Variants in KIFAP3 observed in about 807,000 individuals in gnomAD.
KIFAP3 encodes kinesin associated protein 3, also known as kinesin-associated protein 3.
In KIFAP3, 68 loss-of-function variants were observed where a neutral mutation model predicts 106.5. The ratio of observed to expected loss-of-function variants is 0.64; its 90% CI spans 0.53 to 0.78. The LOEUF is 0.78. Ranked by LOEUF, KIFAP3 falls within the 30% of genes least tolerant of loss-of-function variation. The pLI is 0.00. For missense variants in KIFAP3, 780 were observed against 941.8 expected (o/e 0.83, Z 2.25); for synonymous variants, 320 against 311.5 (o/e 1.03, Z -0.29).
At chr1:169,939,182 G>A (rs1663970397) in intron 19 of KIFAP3, among the ~76,000 whole-genome samples, 1 of 152,142 alleles carries the variant, frequency 6.6e-6, no homozygotes, top group African/African-American at 2.4e-5. Context: ...GAGTGGTTCA[G>A]GTGGCAGATG....
chr1:170,041,296 T>A (rs1311654977), intron 3 of KIFAP3, among the ~76,000 whole-genome samples: 1 of 152,216 alleles, frequency 6.6e-6, no homozygotes, highest in Non-Finnish European at 1.5e-5. Context: ...AAACAAAATT[T>A]TCTTTTTTTT....
chr1:169,938,160 A>G (rs1002877154), intron 19 of KIFAP3, among the ~76,000 whole-genome samples: 40 of 152,082 alleles, frequency 2.6e-4, no homozygotes, highest in African/African-American at 9.1e-4. Context: ...TTTCTATGAT[A>G]GAGACTGTGC....
chr1:170,047,386 C>T (rs766725171), intron 2 of KIFAP3, among the ~76,000 whole-genome samples: 4 of 151,384 alleles, frequency 2.6e-5, no homozygotes, highest in African/African-American at 9.7e-5. Context: ...TTTGGGAGGC[C>T]GAGGCAAGGG....
chr1:170,021,238 T>G (rs186663082), intron 9 of KIFAP3, among the ~76,000 whole-genome samples: 60 of 152,148 alleles, frequency 3.9e-4, no homozygotes, highest in Admixed American at 4.6e-4. Context: ...AATAAACACT[T>G]TATTTAAATA....
At chr1:169,988,818 T>C (rs1666964678) in intron 11 of KIFAP3, among the ~76,000 whole-genome samples, 1 of 152,034 alleles carries the variant, frequency 6.6e-6, no homozygotes, top group Admixed American at 6.6e-5. Flanking sequence ...ATAGGCTGGA[T>C]ACCACATTAG....
At chr1:170,017,145 T>C (rs1174926393) in intron 9 of KIFAP3, among the ~76,000 whole-genome samples, 1 of 150,622 alleles carries the variant, frequency 6.6e-6, no homozygotes, top group East Asian at 2.0e-4. Context: ...TAGTCCCAGC[T>C]ACTTGGGAGG....
At chr1:170,070,090 C>A (rs1339339043) in intron 1 of KIFAP3, among the ~76,000 whole-genome samples, 1 of 151,962 alleles carries the variant, frequency 6.6e-6, no homozygotes, top group African/African-American at 2.4e-5. Context: ...GAATAAAATA[C>A]TCAGGAGTAA....
intron 3 of KIFAP3, among the ~76,000 whole-genome samples, chr1:170,040,406 T>G (rs192137067): frequency 8.0e-4 from 122 of 152,276 alleles, no homozygotes; most frequent in Admixed American, 1.5e-3. Flanking sequence ...AAATATTGAT[T>G]TGAATTATTT....
intron 8 of KIFAP3, among the ~76,000 whole-genome samples, chr1:170,029,083 A>C (rs1669265373): frequency 6.6e-6 from 1 of 152,160 alleles, no homozygotes; most frequent in Non-Finnish European, 1.5e-5. Context: ...TCACAAGAAG[A>C]AGTAGATTAA....
intron 18 of KIFAP3, 75 bp from the exon 19 acceptor site, chr1:169,954,185 A>T: frequency 1.2e-6 from 1 of 841,524 alleles, no homozygotes; most frequent in Non-Finnish European, 2.0e-6. Context: ...ATACAATAAG[A>T]AAATAACTTG....
intron 17 of KIFAP3, among the ~76,000 whole-genome samples, chr1:169,967,420 G>A (rs1011871269): frequency 5.3e-5 from 8 of 151,804 alleles, no homozygotes; most frequent in African/African-American, 1.9e-4. Flanking sequence ...AATCCTCAAT[G>A]AATATAGTTT....
chr1:169,997,547 T>TA (rs1356079516), intron 10 of KIFAP3, among the ~76,000 whole-genome samples: 1 of 152,054 alleles, frequency 6.6e-6, no homozygotes, highest in Non-Finnish European at 1.5e-5. Flanking sequence ...CCGAGCCACT[T>TA]ACCTTTCTAC....
chr1:170,013,961 A>T (rs1431307031), intron 10 of KIFAP3, among the ~76,000 whole-genome samples: 1 of 152,150 alleles, frequency 6.6e-6, no homozygotes, highest in Non-Finnish European at 1.5e-5. Flanking sequence ...ATAGTCATAG[A>T]TTTTATGACA....
chr1:169,965,429 T>C (rs763924905), intron 17 of KIFAP3, among the ~76,000 whole-genome samples: 1 of 152,024 alleles, frequency 6.6e-6, no homozygotes, highest in Non-Finnish European at 1.5e-5. Flanking sequence ...ATATAAAATA[T>C]GTGGTCTGCT....
intron 19 of KIFAP3, among the ~76,000 whole-genome samples, chr1:169,923,795 A>G (rs74387271): frequency 0.027 from 4,107 of 152,308 alleles, 106 homozygotes; most frequent in South Asian, 0.092. Context: ...GGAGTTCACC[A>G]GTCATTGGCA....
chr1:170,025,232 A>AT (rs1669044932), intron 8 of KIFAP3, among the ~76,000 whole-genome samples: 1 of 152,168 alleles, frequency 6.6e-6, no homozygotes, highest in Non-Finnish European at 1.5e-5. Context: ...GATTTGTGTA[A>AT]TAAAAATGCT....
chr1:170,027,173 C>T (rs939257789), intron 8 of KIFAP3, among the ~76,000 whole-genome samples: 1 of 152,176 alleles, frequency 6.6e-6, no homozygotes, highest in Non-Finnish European at 1.5e-5. Flanking sequence ...GCATCCACCA[C>T]CAACGCCTGG....
intron 10 of KIFAP3, among the ~76,000 whole-genome samples, chr1:169,992,564 C>A (rs1667157015): frequency 6.6e-6 from 1 of 152,048 alleles, no homozygotes; most frequent in Non-Finnish European, 1.5e-5. Context: ...TTAGCCTCCC[C>A]ATCTTTACTG....
chr1:170,046,663 T>C, intron 3 of KIFAP3, 49 bp downstream of exon 3: 1 of 1,393,252 alleles, frequency 7.2e-7, no homozygotes, highest in East Asian at 2.6e-5. Flanking sequence ...TGAACTATAA[T>C]CAAACAACTT....
Sources: allele counts gnomAD v4.1 joint callset (sites outside exome capture counted in the v4.1 genomes callset), GRCh38; gene constraint gnomAD v4.1.1; transcripts MANE v1.5; gene names NCBI Gene and HGNC (gene_info 2026-07-23, HGNC 2026-07-21).